ATE1: variants seen among roughly 807,000 people sequenced by gnomAD.
ATE1 encodes arginyltransferase 1, also known as arginyl-tRNA--protein transferase 1.
Under a neutral mutation model 70.5 loss-of-function variants are expected in ATE1, and 36 were observed. The ratio of observed to expected loss-of-function variants is 0.51; its 90% confidence interval spans 0.39 to 0.67. The LOEUF (loss-of-function observed/expected upper bound fraction) is 0.67. ATE1 is among the 30% of genes least tolerant of loss of function. The pLI, the probability that ATE1 is intolerant of heterozygous loss-of-function variation, is 0.00. For synonymous variants in ATE1, 232 were observed against 219.3 expected (o/e 1.06, Z -0.51); for missense variants, 593 against 629.5 (o/e 0.94, Z 0.62).
chr10:121,928,103 G>A, upstream of ATE1: 3 of 1,222,552 alleles, frequency 2.5e-6, no homozygotes, highest in Non-Finnish European at 1.0e-6. Flanking sequence ...GGCGCCTCTT[G>A]GAGCTGACGC....
intron 1 of ATE1, 102 bp from the exon 2 acceptor site, chr10:121,924,431 T>C: frequency 8.9e-7 from 1 of 1,125,512 alleles, no homozygotes. Context: ...CCGGGCACGG[T>C]GGCTCATGCC....
At chr10:121,924,765 A>T (rs2134640884) in intron 1 of ATE1, among the ~76,000 whole-genome samples, 1 of 152,270 alleles carries the variant, frequency 6.6e-6, no homozygotes, top group South Asian at 2.1e-4. Context: ...GGATAAATGA[A>T]AAGTTTGTAC....
At chr10:121,753,602 C>T (rs1482798836) in intron 11 of ATE1, among the ~76,000 whole-genome samples, 1 of 152,112 alleles carries the variant, frequency 6.6e-6, no homozygotes, top group African/African-American at 2.4e-5. Context: ...ATCACCTCAG[C>T]ACATATACTG....
rs199525180 is a variant in ATE1 at position 121,914,749 on chromosome 10, CCT to C, written c.234-858_234-857del. Among the ~76,000 whole-genome samples the C allele has an allele frequency of 4.0e-3, 602 of 152,270 alleles. 4 individuals are homozygous for C. The highest frequency in any genetic ancestry group is 6.7e-3 in the Non-Finnish European group (457 of 68,018). Reference sequence around the variant, plus strand: ...ACTTGCAGGAAAGAGTAACATAGAGCCTCTTACAGGATGGATGCAAGCCACAG... The same window carrying C: ...ACTTGCAGGAAAGAGTAACATAGAGCCTTACAGGATGGATGCAAGCCACAG... On this transcript the variant is annotated intron_variant, in intron 3 of 11. Transcript: ENST00000224652.
chr10:121,922,212 C>A, intron 3 of ATE1, 137 bp downstream of exon 3: 1 of 638,504 alleles, frequency 1.6e-6, no homozygotes. Context: ...GAAGAAAAGA[C>A]ATAACTCATT....
intron 9 of ATE1, 74 bp from the exon 10 acceptor site, chr10:121,836,891 T>G (rs1948454077): frequency 2.1e-6 from 2 of 930,910 alleles, no homozygotes; most frequent in Non-Finnish European, 3.3e-6. Context: ...TGTAATTTGA[T>G]GGTAAACATT....
At chr10:121,894,201 G>T (rs868445500) in intron 7 of ATE1, among the ~76,000 whole-genome samples, 78 of 149,674 alleles carry the variant, frequency 5.2e-4, no homozygotes, top group African/African-American at 1.8e-3. Context: ...AAATGGAAAT[G>T]GAAGTAAAAT....
Position 121,740,604 on chromosome 10 carries a change from T to C in ATE1, c.*3076A>G, listed in dbSNP as rs1335238642. 2 of 152,156 alleles carry C rather than the reference T, an allele frequency of 1.3e-5. No individual in the cohort carries two copies. Among genetic ancestry groups the C allele is most frequent in the Non-Finnish European group, 2.9e-5 (2 of 68,030 alleles). 9.4% of individuals were successfully genotyped at this position (152,156 alleles called of 1,614,324 possible). On this transcript the variant is annotated 3_prime_UTR_variant, in exon 12 of 12. Coordinates refer to ENST00000224652, the MANE Select transcript of ATE1 (RefSeq NM_001001976.3). ...TTCTAATTCAAACATTTTCCAACTG[T>C]TTCTACTTCATTTTTCAAGTTAGCA...
At chr10:121,854,942 T>C (rs1288290142) in intron 8 of ATE1, among the ~76,000 whole-genome samples, 1 of 151,920 alleles carries the variant, frequency 6.6e-6, no homozygotes, top group Non-Finnish European at 1.5e-5. Flanking sequence ...CAGGGAAGGG[T>C]GGACCTTACC....
At chr10:121,918,942 A>T (rs909531100) in intron 3 of ATE1, among the ~76,000 whole-genome samples, 1 of 152,092 alleles carries the variant, frequency 6.6e-6, no homozygotes, top group Non-Finnish European at 1.5e-5. Flanking sequence ...AAAACGCACC[A>T]ATCAGTGCTC....
intron 8 of ATE1, among the ~76,000 whole-genome samples, chr10:121,854,587 T>C (rs188324091): frequency 4.6e-5 from 7 of 152,326 alleles, no homozygotes; most frequent in East Asian, 1.9e-4. Context: ...TGTTTCTCTA[T>C]GTATTTTTCT....
At chr10:121,892,707 G>T (rs1022846673) in intron 7 of ATE1, among the ~76,000 whole-genome samples, 2 of 151,868 alleles carry the variant, frequency 1.3e-5, no homozygotes, top group African/African-American at 4.8e-5. Context: ...CCTCCAGAGG[G>T]TTTCACCATG....
intron 10 of ATE1, among the ~76,000 whole-genome samples, chr10:121,802,210 T>C (rs1395889348): frequency 6.6e-6 from 1 of 152,096 alleles, no homozygotes; most frequent in Non-Finnish European, 1.5e-5. Flanking sequence ...GGCACAAGAT[T>C]TGCTTTCAGT....
At chr10:121,789,298 T>C (rs1010464890) in intron 11 of ATE1, among the ~76,000 whole-genome samples, 5 of 139,834 alleles carry the variant, frequency 3.6e-5, no homozygotes, top group Admixed American at 2.9e-4. Flanking sequence ...GGGCTATGCT[T>C]TTTTTTTTTT....
chr10:121,914,862 A>G (rs1358616508), intron 3 of ATE1, among the ~76,000 whole-genome samples: 8 of 152,250 alleles, frequency 5.3e-5, no homozygotes, highest in Admixed American at 1.3e-4. Flanking sequence ...CCAGAACAAC[A>G]GCAGGTTATG....
chr10:121,903,425 A>C (rs1951064652), intron 5 of ATE1, among the ~76,000 whole-genome samples: 1 of 152,108 alleles, frequency 6.6e-6, no homozygotes, highest in Non-Finnish European at 1.5e-5. Flanking sequence ...ATCCTTGTGC[A>C]CCTGGAATTC....
intron 11 of ATE1, among the ~76,000 whole-genome samples, chr10:121,762,699 C>A (rs994086256): frequency 7.2e-5 from 11 of 152,146 alleles, no homozygotes; most frequent in African/African-American, 2.4e-4. Flanking sequence ...CACTTTGTGC[C>A]CTGAGCTACG....
At chr10:121,815,214 C>T (rs1947489553) in intron 10 of ATE1, among the ~76,000 whole-genome samples, 1 of 152,216 alleles carries the variant, frequency 6.6e-6, no homozygotes, top group Non-Finnish European at 1.5e-5. Context: ...CGGCTCACTG[C>T]GAGCTCCGCC....
intron 7 of ATE1, among the ~76,000 whole-genome samples, chr10:121,877,761 A>G (rs530971870): frequency 1.3e-5 from 2 of 152,320 alleles, no homozygotes; most frequent in East Asian, 3.9e-4. Flanking sequence ...AGAAAACACC[A>G]TATGTTAATG....
Sources: allele counts gnomAD v4.1 joint callset (sites outside exome capture counted in the v4.1 genomes callset), GRCh38; gene constraint gnomAD v4.1.1; transcripts MANE v1.5; gene names NCBI Gene and HGNC (gene_info 2026-07-23, HGNC 2026-07-21).